Variants in VEPH1 observed in about 807,000 individuals in gnomAD.
The protein encoded by VEPH1 is ventricular zone expressed PH domain containing 1, also known as ventricular zone-expressed PH domain-containing protein homolog 1.
A neutral mutation model predicts 85.2 loss-of-function variants in VEPH1; 80 were observed. The ratio of observed to expected loss-of-function variants is 0.94; its 90% CI spans 0.78 to 1.13. The LOEUF (loss-of-function observed/expected upper bound fraction) is 1.13. Ranked by LOEUF, VEPH1 falls within the 50% of genes most tolerant of loss-of-function variation. VEPH1 has a pLI of 0.00. For synonymous variants in VEPH1, 297 were observed against 348.0 expected (o/e 0.85, Z 1.63); for missense variants, 955 against 980.5 (o/e 0.97, Z 0.35).
intron 11 of VEPH1, among the ~76,000 whole-genome samples, chr3:157,295,660 G>T (rs998478470): frequency 2.0e-5 from 3 of 152,062 alleles, no homozygotes; most frequent in Non-Finnish European, 2.9e-5. Context: ...ACTGGATAAA[G>T]TAAACTACGG....
chr3:157,286,699 A>G, intron 11 of VEPH1, 25 bp from the exon 12 acceptor site: 1 of 1,587,758 alleles, frequency 6.3e-7, no homozygotes, highest in Non-Finnish European at 8.6e-7. Context: ...CAAAGCACAA[A>G]GAACATAAGC....
intron 6 of VEPH1, among the ~76,000 whole-genome samples, chr3:157,383,447 T>C (rs955367316): frequency 6.6e-6 from 1 of 152,244 alleles, no homozygotes; most frequent in Admixed American, 6.5e-5. Context: ...AAGAAAACCT[T>C]ATATATCAAA....
At position 157,423,251 on chromosome 3, in the gene VEPH1, C is replaced by T. The variant is rs149090853; in HGVS notation, c.696+5071G>A. 3.6e-3 allele frequency among the ~76,000 whole-genome samples: 545 copies of T among 152,276 alleles called. 3 individuals carry two copies. The highest frequency in any genetic ancestry group is 0.01 in the African/African-American group (434 of 41,552). ...GAAAGAAACAGTCGTGCAAAAATAA[C>T]AACATATTGCTCTATGTGCAAAAGG... On this transcript the variant is annotated intron_variant, in intron 5 of 13. Transcript: ENST00000362010.
chr3:157,308,206 A>G (rs922499498), intron 11 of VEPH1, among the ~76,000 whole-genome samples: 5 of 151,678 alleles, frequency 3.3e-5, no homozygotes, highest in African/African-American at 1.2e-4. Context: ...TAATCCTTAT[A>G]CTTAACTGCT....
chr3:157,390,482 TGG>T (rs1729753860), intron 6 of VEPH1, among the ~76,000 whole-genome samples: 1 of 152,232 alleles, frequency 6.6e-6, no homozygotes, highest in South Asian at 2.1e-4. Context: ...GGTTATGAAT[TGG>T]TTATTTGTGA....
rs1339049684 is a variant in VEPH1, at chr3:157,470,427, C to G, written c.241G>C (p.Ala81Pro). ...CAGGAGTCCCAGAGCCCCACAAGGG[C>G]CTTTGCATGCTTTTCAATGGACTCG... is the stretch of plus-strand genomic sequence containing the variant. Reference protein sequence around the residue: ...ETESIEKHAKALVGLWDSCLE... With the variant: ...ETESIEKHAKPLVGLWDSCLE... The change falls in exon 3 of 14, where the codon GCC (alanine) becomes CCC (proline). Residue 81 changes from alanine to proline, a missense_variant. Ala to Pro is a conservative substitution (Grantham distance 27, BLOSUM62 -1). Transcript: ENST00000362010. The G allele has an allele frequency of 6.2e-7, 1 of 1,614,012 alleles. No homozygotes were observed. The highest frequency in any genetic ancestry group is 1.7e-5 in the Admixed American group (1 of 59,992).
Position 157,260,938 on chromosome 3 carries a change from G to A in VEPH1, c.*196C>T, listed in dbSNP as rs1712798931. ...TTGTGGGCATCAGATATATTCTGAAGTCAATACTAAAGCTGTTAGAGTATG... is the reference window on the plus strand; with the variant it reads ...TTGTGGGCATCAGATATATTCTGAAATCAATACTAAAGCTGTTAGAGTATG... On this transcript the variant is annotated 3_prime_UTR_variant, in exon 14 of 14. Coordinates refer to ENST00000362010, the MANE Select transcript of VEPH1 (RefSeq NM_001167912.2). 3.0e-6 allele frequency: 2 copies of A among 673,542 alleles called. No homozygotes were observed. Among genetic ancestry groups the A allele is most frequent in the Admixed American group, 3.0e-5 (1 of 33,650 alleles). The allele number at this position is 673,542 out of a possible 1,614,324, so 41.7% of individuals were successfully genotyped here. A position where few individuals can be genotyped will look rare whatever the true frequency, so the allele number is the denominator to read the frequency against.
chr3:157,297,208 T>C (rs1425588254), intron 11 of VEPH1, among the ~76,000 whole-genome samples: 1 of 152,232 alleles, frequency 6.6e-6, no homozygotes, highest in African/African-American at 2.4e-5. Flanking sequence ...TAAATGTATG[T>C]AAATCTTTCT....
chr3:157,377,162 G>A (rs1560009300), intron 7 of VEPH1, among the ~76,000 whole-genome samples: 2 of 152,104 alleles, frequency 1.3e-5, no homozygotes, highest in Non-Finnish European at 1.5e-5. Flanking sequence ...AAGATTGACA[G>A]CGAGGGGTTG....
intron 6 of VEPH1, among the ~76,000 whole-genome samples, chr3:157,403,612 G>A (rs1293004139): frequency 1.3e-5 from 2 of 152,134 alleles, no homozygotes; most frequent in Non-Finnish European, 2.9e-5. Context: ...CTTGCATACA[G>A]TGCCTTGCAT....
intron 9 of VEPH1, among the ~76,000 whole-genome samples, chr3:157,330,266 C>G (rs1168232135): frequency 1.3e-5 from 2 of 152,130 alleles, no homozygotes; most frequent in Non-Finnish European, 2.9e-5. Context: ...CACTGAGAAC[C>G]CTCTCTTGTG....
chr3:157,393,345 T>G (rs957456699), intron 6 of VEPH1, among the ~76,000 whole-genome samples: 1 of 152,158 alleles, frequency 6.6e-6, no homozygotes, highest in Non-Finnish European at 1.5e-5. Context: ...ACCAAATTCA[T>G]CTTAGCTGAC....
intron 9 of VEPH1, among the ~76,000 whole-genome samples, chr3:157,320,175 T>C (rs1360614419): frequency 6.6e-6 from 1 of 152,182 alleles, no homozygotes; most frequent in East Asian, 1.9e-4. Context: ...ATGATGATGG[T>C]CCTGCTCTTA....
At chr3:157,473,544 C>T (rs367998015) in intron 2 of VEPH1, among the ~76,000 whole-genome samples, 10 of 152,074 alleles carry the variant, frequency 6.6e-5, no homozygotes, top group Admixed American at 5.2e-4. Flanking sequence ...ATCTTCTATG[C>T]TATTTCACAT....
At chr3:157,268,908 T>A (rs549251974) in intron 12 of VEPH1, among the ~76,000 whole-genome samples, 1 of 150,912 alleles carries the variant, frequency 6.6e-6, no homozygotes, top group East Asian at 2.0e-4. Context: ...CCACCACACT[T>A]GGCTAATTTT....
chr3:157,436,744 C>T (rs1560059859), intron 4 of VEPH1: 4 of 459,950 alleles, frequency 8.7e-6, no homozygotes, highest in Non-Finnish European at 1.5e-5. Flanking sequence ...CCCTCCCCCA[C>T]CAAATTCAGG....
intron 7 of VEPH1, among the ~76,000 whole-genome samples, chr3:157,369,998 G>A (rs1359965011): frequency 6.6e-6 from 1 of 152,126 alleles, no homozygotes; most frequent in Non-Finnish European, 1.5e-5. Context: ...GACCCCAGAG[G>A]TAATTTTACA....
intron 9 of VEPH1, among the ~76,000 whole-genome samples, chr3:157,334,075 A>C (rs542967156): frequency 4.1e-4 from 62 of 152,170 alleles, no homozygotes; most frequent in Middle Eastern, 3.4e-3. Context: ...GTGTATATCA[A>C]CTCCACGTAG....
chr3:157,280,500 G>A (rs1406650556), intron 12 of VEPH1, among the ~76,000 whole-genome samples: 3 of 152,076 alleles, frequency 2.0e-5, no homozygotes, highest in Non-Finnish European at 2.9e-5. Flanking sequence ...AAAAATAGAA[G>A]TTAATCCCTG....
Sources: allele counts gnomAD v4.1 joint callset (sites outside exome capture counted in the v4.1 genomes callset), GRCh38; gene constraint gnomAD v4.1.1; transcripts MANE v1.5; gene names NCBI Gene and HGNC (gene_info 2026-07-23, HGNC 2026-07-21).